Variants in SYTL5 observed in about 807,000 individuals in gnomAD.
SYTL5 encodes synaptotagmin-like protein 5.
SYTL5 carries 34 observed loss-of-function variants against 55.9 expected under a neutral mutation model. That is an observed-to-expected ratio of 0.61 (90% CI 0.46 to 0.81). SYTL5 has a LOEUF of 0.81. Among genes scored for constraint, SYTL5 ranks in the 30% least tolerant of loss-of-function variants. SYTL5 has a pLI of 0.00. For missense variants in SYTL5, 637 were observed against 546.7 expected (o/e 1.17, Z -1.65); for synonymous variants, 221 against 188.7 (o/e 1.17, Z -1.40).
At chrX:38,053,056 A>G (rs754889738) in intron 2 of SYTL5, among the ~76,000 whole-genome samples, 1 of 112,533 alleles carries the variant, frequency 8.9e-6, no homozygotes, top group African/African-American at 3.2e-5. Flanking sequence ...ATCTTTCCAA[A>G]GTGATTCCAA....
upstream of SYTL5, among the ~76,000 whole-genome samples, chrX:38,004,672 A>C (rs979592393): frequency 2.7e-5 from 3 of 111,339 alleles, no homozygotes; most frequent in Non-Finnish European, 5.7e-5. Context: ...TAAGCCAGAC[A>C]CAGAAAAAAA....
chrX:37,939,993 A>G, the SYTL5 span, among the ~76,000 whole-genome samples: 9 of 109,865 alleles, frequency 8.2e-5, no homozygotes, highest in Non-Finnish European at 1.5e-4. Context: ...CACCATGCCC[A>G]GCTAATTTTT....
At chrX:37,965,074 G>T in the SYTL5 span, among the ~76,000 whole-genome samples, 2 of 109,644 alleles carry the variant, frequency 1.8e-5, no homozygotes, top group African/African-American at 6.6e-5. Context: ...AATTTTATTT[G>T]TTCTCTAACC....
chrX:38,003,298 G>A (rs1180003869), upstream of SYTL5, among the ~76,000 whole-genome samples: 1 of 111,694 alleles, frequency 9.0e-6, no homozygotes, highest in Non-Finnish European at 1.9e-5. Context: ...AAGTCAGGTA[G>A]CGTGATACCT....
At chrX:38,075,679 G>T (rs780648629) in intron 5 of SYTL5, among the ~76,000 whole-genome samples, 2 of 111,911 alleles carry the variant, frequency 1.8e-5, no homozygotes, top group Non-Finnish European at 3.8e-5. Context: ...GTAGATTAAA[G>T]CTTCAGATGC....
At chrX:38,009,909 C>T (rs1475647341) in intron 1 of SYTL5, among the ~76,000 whole-genome samples, 2 of 112,082 alleles carry the variant, frequency 1.8e-5, no homozygotes, top group Non-Finnish European at 3.8e-5. Context: ...TCATTTTGAA[C>T]TATGAAGAAC....
chrX:37,968,232 G>A, the SYTL5 span, among the ~76,000 whole-genome samples: 18 of 110,859 alleles, frequency 1.6e-4, no homozygotes, highest in Non-Finnish European at 2.5e-4. Flanking sequence ...CTAGAAAGGC[G>A]AAAACATCCC....
intron 13 of SYTL5, among the ~76,000 whole-genome samples, chrX:38,113,263 T>C (rs112898242): frequency 4.2e-4 from 47 of 112,595 alleles, no homozygotes; most frequent in African/African-American, 1.5e-3. Flanking sequence ...TTGCCTTTCA[T>C]GCCTTCCCAG....
intron 2 of SYTL5, among the ~76,000 whole-genome samples, chrX:38,043,670 TATATATATATATATATATATAC>T (rs1439999097): frequency 1.4e-4 from 10 of 69,847 alleles, no homozygotes; most frequent in African/African-American, 6.4e-4. Context: ...TGTATATATA[TATATATATATATATATATATAC>T]ATATATATAT....
the SYTL5 span, among the ~76,000 whole-genome samples, chrX:37,916,551 C>T: frequency 1.8e-5 from 2 of 111,945 alleles, no homozygotes. Context: ...TACACAAACA[C>T]CTGGCTCCAA....
At chrX:38,056,437 A>G (rs908845423) in intron 3 of SYTL5, among the ~76,000 whole-genome samples, 1 of 111,799 alleles carries the variant, frequency 8.9e-6, no homozygotes, top group African/African-American at 3.3e-5. Flanking sequence ...GGGAGTGCAG[A>G]TATCTCTTCA....
chrX:37,953,279 G>A, the SYTL5 span, among the ~76,000 whole-genome samples: 1 of 111,582 alleles, frequency 9.0e-6, no homozygotes, highest in African/African-American at 3.3e-5. Flanking sequence ...GAGTCTGGTT[G>A]AAATCATCAA....
the SYTL5 span, chrX:37,991,412 G>C: frequency 6.5e-5 from 38 of 582,130 alleles, no homozygotes; most frequent in African/African-American, 7.6e-4. Flanking sequence ...AGGCGGGGAA[G>C]GGGTGGCCAG....
intron 1 of SYTL5, among the ~76,000 whole-genome samples, chrX:38,012,262 G>A (rs1934215973): frequency 8.9e-6 from 1 of 111,962 alleles, no homozygotes; most frequent in African/African-American, 3.2e-5. Flanking sequence ...AAATATTTCC[G>A]AGAGAATATC....
chrX:37,977,219 G>T, the SYTL5 span, among the ~76,000 whole-genome samples: 1 of 110,782 alleles, frequency 9.0e-6, no homozygotes, highest in African/African-American at 3.3e-5. Flanking sequence ...CAAGAACAAT[G>T]ATTTCAATAT....
At chrX:38,114,595 G>A (rs1318556194) in intron 13 of SYTL5, among the ~76,000 whole-genome samples, 1 of 111,016 alleles carries the variant, frequency 9.0e-6, no homozygotes. Context: ...TGTAAAATAT[G>A]GTTTCTAAAT....
At chrX:37,897,431 C>T in the SYTL5 span, among the ~76,000 whole-genome samples, 4 of 100,953 alleles carry the variant, frequency 4.0e-5, no homozygotes, top group African/African-American at 3.8e-5. Flanking sequence ...TGCAGTGAGC[C>T]GAGATCATGC....
At chrX:38,078,303 C>T (rs1403211146) in intron 6 of SYTL5, among the ~76,000 whole-genome samples, 3 of 108,614 alleles carry the variant, frequency 2.8e-5, no homozygotes, top group Non-Finnish European at 3.8e-5. Context: ...CTCTGTCTCC[C>T]GGGCTGGAGT....
At chrX:37,902,264 T>C in the SYTL5 span, among the ~76,000 whole-genome samples, 1 of 112,104 alleles carries the variant, frequency 8.9e-6, no homozygotes, top group Non-Finnish European at 1.9e-5. Context: ...CGCACCTTAA[T>C]AGCAGCCTTT....
Sources: allele counts gnomAD v4.1 joint callset (sites outside exome capture counted in the v4.1 genomes callset), GRCh38; gene constraint gnomAD v4.1.1; transcripts MANE v1.5; gene names NCBI Gene and HGNC (gene_info 2026-07-23, HGNC 2026-07-21).